Variants in HUNK observed in about 807,000 individuals in gnomAD.
HUNK encodes the protein hormonally up-regulated neu tumor-associated kinase.
Under a neutral mutation model 61.0 loss-of-function variants are expected in HUNK, and 21 were observed. That is an observed-to-expected ratio of 0.34 (90% CI 0.24 to 0.50). HUNK has a LOEUF of 0.50. Ranked by LOEUF, HUNK falls within the 20% of genes least tolerant of loss-of-function variation. The probability of loss-of-function intolerance (pLI) is 0.98; values close to 1 mark genes in which losing one functional copy is unlikely to be tolerated. For missense variants in HUNK, 772 were observed against 945.7 expected, an observed-to-expected ratio of 0.82 and a Z score of 2.41; for synonymous variants, 371 against 386.1, an observed-to-expected ratio of 0.96 and a Z score of 0.46.
intron 2 of HUNK, among the ~76,000 whole-genome samples, chr21:31,936,800 G>T (rs1010765958): frequency 1.3e-5 from 2 of 151,854 alleles, no homozygotes; most frequent in African/African-American, 4.8e-5. Context: ...CACTGTGGTT[G>T]TTCTCTAGGC....
At chr21:31,903,463 T>C (rs372729829) in intron 1 of HUNK, among the ~76,000 whole-genome samples, 1 of 152,276 alleles carries the variant, frequency 6.6e-6, no homozygotes, top group East Asian at 1.9e-4. Context: ...CTAAAAATAC[T>C]GTGGAGTTGA....
chr21:31,954,926 G>A (rs1208082568), intron 4 of HUNK, among the ~76,000 whole-genome samples: 1 of 152,036 alleles, frequency 6.6e-6, no homozygotes, highest in Non-Finnish European at 1.5e-5. Flanking sequence ...GGACTTACAG[G>A]CGCATGCCAC....
Position 31,947,360 on chromosome 21 carries a change from A to G in HUNK, c.746+1189A>G, listed in dbSNP as rs8134236. On this transcript the variant is annotated intron_variant, in intron 4 of 10. Transcript: ENST00000270112. ...TGGCGCCTGCGCATTCCCACATCCCAGTCTCAAGCCAGTGGCGCCTGCGCA... is the reference window on the plus strand; with the variant it reads ...TGGCGCCTGCGCATTCCCACATCCCGGTCTCAAGCCAGTGGCGCCTGCGCA... 1.9e-3 allele frequency among the ~76,000 whole-genome samples: 268 copies of G among 141,862 alleles called. 9 individuals are homozygous for G. Among genetic ancestry groups the G allele is most frequent in the African/African-American group, 5.3e-3 (191 of 35,964 alleles). 93.1% of individuals were successfully genotyped at this position (141,862 alleles called of 152,430 possible).
intron 4 of HUNK, among the ~76,000 whole-genome samples, chr21:31,947,416 T>TACGCATTCC (rs1236898928): frequency 2.6e-5 from 4 of 152,030 alleles, no homozygotes; most frequent in African/African-American, 9.7e-5. Flanking sequence ...GCCAATGGCG[T>TACGCATTCC]CACTGCCGAG....
chr21:31,971,407 A>C (rs993312183), intron 6 of HUNK, among the ~76,000 whole-genome samples: 1 of 152,168 alleles, frequency 6.6e-6, no homozygotes, highest in Non-Finnish European at 1.5e-5. Context: ...TGGGGGAGGT[A>C]CATGTTATTT....
intron 3 of HUNK, 34 bp downstream of exon 3, chr21:31,940,254 CT>C: frequency 7.4e-7 from 1 of 1,346,820 alleles, no homozygotes; most frequent in Non-Finnish European, 1.0e-6. Context: ...GCAAAAGTAT[CT>C]TTTAAGTGTT....
chr21:31,894,588 C>T (rs976687510), intron 1 of HUNK, among the ~76,000 whole-genome samples: 4 of 152,136 alleles, frequency 2.6e-5, no homozygotes, highest in Non-Finnish European at 5.9e-5. Context: ...AAAGCTGTGC[C>T]TTGCCAGACC....
At chr21:31,973,147 A>G (rs1200011777) in intron 6 of HUNK, among the ~76,000 whole-genome samples, 1 of 147,172 alleles carries the variant, frequency 6.8e-6, no homozygotes, top group Non-Finnish European at 1.5e-5. Flanking sequence ...TTTATTTATT[A>G]TACTTTTATT....
rs1414013889 is a variant in HUNK, at chr21:31,873,495, G to C, written c.-180G>C. ...CCCCTGGGCAGCCGCTATTGTCTAC[G>C]CGCCTCGCTGGGCGGCGCGGGGGGC... On this transcript the variant is annotated 5_prime_UTR_variant, in exon 1 of 11. Coordinates refer to ENST00000270112, the MANE Select transcript of HUNK (RefSeq NM_014586.2). The surrounding 1 kb of genome is among the most constrained non-coding windows in gnomAD (Gnocchi z 6.1). 1.2e-5 allele frequency: 4 copies of C among 324,232 alleles called. No homozygotes were observed. The East Asian group carries it at 6.8e-4, about 55-fold the overall frequency. 20.1% of individuals were successfully genotyped at this position (324,232 alleles called of 1,614,324 possible). A position where few individuals can be genotyped will look rare whatever the true frequency, so the allele number is the denominator to read the frequency against.
intron 1 of HUNK, among the ~76,000 whole-genome samples, chr21:31,910,116 G>A (rs2123805247): frequency 6.6e-6 from 1 of 152,310 alleles, no homozygotes; most frequent in African/African-American, 2.4e-5. Flanking sequence ...CATCATAAAG[G>A]TTTCATAAAG....
intron 9 of HUNK, among the ~76,000 whole-genome samples, chr21:31,990,517 C>CTTTATTTA (rs3056170): frequency 0.12 from 16,724 of 142,834 alleles, 1,157 homozygotes; most frequent in African/African-American, 0.15. Context: ...ATGTTAATCA[C>CTTTATTTA]TTTATTTATT....
intron 9 of HUNK, 77 bp from the exon 10 acceptor site, chr21:31,995,691 G>A (rs2053199574): frequency 8.7e-7 from 1 of 1,153,942 alleles, no homozygotes; most frequent in African/African-American, 1.5e-5. Context: ...TAATCAGTTT[G>A]GATGACTTTT....
chr21:31,984,127 A>C (rs765336746), intron 8 of HUNK, among the ~76,000 whole-genome samples: 14 of 152,182 alleles, frequency 9.2e-5, no homozygotes, highest in Non-Finnish European at 1.6e-4. Flanking sequence ...ACGAACATGA[A>C]ATTACGGCTA....
chr21:31,986,453 G>A (rs1236221425), intron 8 of HUNK, among the ~76,000 whole-genome samples: 3 of 151,968 alleles, frequency 2.0e-5, no homozygotes, highest in Non-Finnish European at 2.9e-5. Context: ...TCTTGCTTCC[G>A]GGATGGTGGC....
intron 1 of HUNK, among the ~76,000 whole-genome samples, chr21:31,888,910 C>T (rs188274834): frequency 1.3e-3 from 205 of 152,098 alleles, no homozygotes; most frequent in Middle Eastern, 6.8e-3. Flanking sequence ...AATACATACA[C>T]GTTTTTGTTA....
Position 31,990,172 on chromosome 21 carries a change from T to C in HUNK, c.1301T>C (p.Val434Ala). The C allele has an allele frequency of 6.2e-7, 1 of 1,613,718 alleles. No individual in the cohort carries two copies. The highest frequency in any genetic ancestry group is 8.5e-7 in the Non-Finnish European group (1 of 1,179,716). The change falls in exon 9 of 11, where the codon GTG (valine) becomes GCG (alanine). Residue 434 changes from valine to alanine, a missense_variant. Transcript: ENST00000270112. ...TWTRDLEFHAVQDKKPKEQEK... is the reference protein window; with the variant it reads ...TWTRDLEFHAAQDKKPKEQEK... ...ACACGAGATCTTGAATTCCATGCCG[T>C]GCAGGTAAGAACTTGGGGGATTATT... is the stretch of plus-strand genomic sequence containing the variant.
At chr21:31,923,426 G>A (rs550692232) in intron 1 of HUNK, among the ~76,000 whole-genome samples, 2 of 150,596 alleles carry the variant, frequency 1.3e-5, no homozygotes, top group Admixed American at 1.3e-4. Flanking sequence ...GCAACAGAGA[G>A]ACTCTGTCAA....
chr21:31,875,173 G>A (rs779224217), intron 1 of HUNK, among the ~76,000 whole-genome samples: 5 of 152,162 alleles, frequency 3.3e-5, no homozygotes, highest in Non-Finnish European at 7.4e-5. Flanking sequence ...TCTGCCTTCC[G>A]ACCTGGGGGC....
chr21:31,882,579 G>A (rs1478234892), intron 1 of HUNK, among the ~76,000 whole-genome samples: 5 of 152,158 alleles, frequency 3.3e-5, no homozygotes, highest in African/African-American at 1.2e-4. Context: ...TGGGGTACAT[G>A]TGAGTGTTCC....
Sources: gnomAD v4.1 joint callset for allele counts (sites outside exome capture counted in the v4.1 genomes callset) on GRCh38, gnomAD v4.1.1 for gene constraint, Gnocchi (gnomAD v3.1) non-coding constraint, MANE v1.5 for transcripts, NCBI Gene and HGNC (gene_info 2026-07-23, HGNC 2026-07-21) for gene names.